The following PIGQ variants were observed in gnomAD, a reference collection of about 807,000 sequenced individuals.
The protein encoded by PIGQ is phosphatidylinositol glycan anchor biosynthesis class Q, also known as phosphatidylinositol N-acetylglucosaminyltransferase subunit Q.
PIGQ carries 54 observed loss-of-function variants against 60.3 expected under a neutral mutation model. That is an observed-to-expected ratio of 0.90 (90% CI 0.72 to 1.12). The LOEUF (loss-of-function observed/expected upper bound fraction) is 1.12. PIGQ is among the 50% of genes most tolerant of loss of function. The probability of loss-of-function intolerance (pLI) is 0.00; values close to 1 mark genes in which losing one functional copy is unlikely to be tolerated. For synonymous variants in PIGQ, 416 were observed against 363.7 expected (o/e 1.14, Z -1.64); for missense variants, 799 against 793.5 (o/e 1.01, Z -0.08).
intron 9 of PIGQ, 59 bp downstream of exon 9, chr16:581,031 G>T (rs1398488923): frequency 2.2e-6 from 3 of 1,352,550 alleles, no homozygotes; most frequent in Non-Finnish European, 2.1e-6. Context: ...CACACCTGTG[G>T]GCCCTGCAGA....
Position 576,477 on chromosome 16 carries a change from G to T in PIGQ, c.942+223G>T, listed in dbSNP as rs368753708. On this transcript the variant is annotated intron_variant, in intron 4 of 10. Transcript: ENST00000321878. Reference sequence around the variant, plus strand: ...TACACCCCCCTTTCCTTCTGAAGGGGCTGTGTGCAGGAGCCAGCCGGGCTG... The same window carrying T: ...TACACCCCCCTTTCCTTCTGAAGGGTCTGTGTGCAGGAGCCAGCCGGGCTG... 1.3e-4 allele frequency: 79 copies of T among 612,666 alleles called. 1 individual carries two copies. The East Asian group carries it at 2.0e-3, about 15-fold the overall frequency. 38.0% of individuals were successfully genotyped at this position (612,666 alleles called of 1,614,324 possible). A position where few individuals can be genotyped will look rare whatever the true frequency, so the allele number is the denominator to read the frequency against.
At position 574,282 on chromosome 16, in the gene PIGQ, C is replaced by T. The variant is rs774564687; in HGVS notation, c.208C>T (p.Arg70Trp). ...VAVLGTWCHC[R>W]QEPEESLGRF... is the part of the protein sequence containing the mutation. ...CGTGCTGGGCACCTGGTGCCACTGC[C>T]GGCAGGAGCCCGAGGAGAGCCTGGG... The change falls in exon 2 of 11, where the codon CGG becomes TGG. Residue 70 changes from arginine (R) to tryptophan (W), a missense_variant. Arg to Trp is a moderately radical substitution (Grantham distance 101). Coordinates refer to ENST00000321878, the MANE Select transcript of PIGQ (RefSeq NM_004204.5). 1.4e-5 allele frequency: 22 copies of T among 1,606,520 alleles called. 1 individual carries two copies. In the South Asian group the frequency reaches 1.5e-4, roughly 11 times the overall value.
Position 583,863 on chromosome 16 carries a change from G to A in PIGQ, c.*828G>A. ...CCAGGAGTGTGAGTGGCCTGGGGAG[G>A]GGGCCGTGGCACTGAGGCCGAAAGT... On this transcript the variant is annotated 3_prime_UTR_variant, in exon 11 of 11. Coordinates refer to ENST00000321878, the MANE Select transcript of PIGQ (RefSeq NM_004204.5). 1 of 608,230 alleles carries A rather than the reference G, an allele frequency of 1.6e-6. No homozygotes were observed. 37.7% of individuals were successfully genotyped at this position (608,230 alleles called of 1,614,324 possible).
Position 583,116 on chromosome 16 carries a change from C to T in PIGQ, c.*81C>T, listed in dbSNP as rs750660902. 6 of 1,613,046 alleles carry T rather than the reference C, an allele frequency of 3.7e-6. No individual in the cohort carries two copies. Among genetic ancestry groups the T allele is most frequent in the Middle Eastern group, 3.3e-4 (2 of 6,082 alleles). ...GCCAGGGTGGCACCAGCTCAGCTGG[C>T]GCATGTCCTGTGCTTTGTGGACGCT... On this transcript the variant is annotated 3_prime_UTR_variant, in exon 11 of 11. Transcript: ENST00000321878.
intron 8 of PIGQ, 111 bp downstream of exon 8, chr16:580,374 C>A: frequency 1.3e-6 from 1 of 783,728 alleles, no homozygotes; most frequent in Non-Finnish European, 2.1e-6. Context: ...CTGCAGGCCA[C>A]GTGGGTGGCC....
At chr16:575,640 G>A (rs1055113631) in intron 2 of PIGQ, among the ~76,000 whole-genome samples, 199 bp from the exon 3 acceptor site, 8 of 152,160 alleles carry the variant, frequency 5.3e-5, no homozygotes, top group Admixed American at 3.3e-4. Flanking sequence ...GCCAGGCTCC[G>A]TGTTAGTCAC....
At chr16:578,622 T>TGA in intron 5 of PIGQ, 117 bp downstream of exon 5, 1 of 1,413,882 alleles carries the variant, frequency 7.1e-7, no homozygotes, top group East Asian at 2.3e-5. Flanking sequence ...CCTGTGTGTG[T>TGA]GAGGCCTGCT....
intron 9 of PIGQ, chr16:581,204 G>C: frequency 7.0e-7 from 1 of 1,429,022 alleles, no homozygotes; most frequent in South Asian, 1.4e-5. Context: ...CGCAGGTTCA[G>C]AACCCTGGAG....
Position 583,738 on chromosome 16 carries a change from C to T in PIGQ, c.*703C>T, listed in dbSNP as rs557303492. The stretch of plus-strand genomic sequence containing the variant: ...TGACCCAGCCGTACCTATTCGTCCA[C>T]GGTGCCCCGTAGCAGCAGGTCCTGC... On this transcript the variant is annotated 3_prime_UTR_variant, in exon 11 of 11. Coordinates refer to ENST00000321878, the MANE Select transcript of PIGQ (RefSeq NM_004204.5). The T allele has an allele frequency of 1.8e-3, 2,388 of 1,346,906 alleles. 3 individuals are homozygous for T. The highest frequency in any genetic ancestry group is 2.0e-3 in the Non-Finnish European group (1,855 of 950,896). 83.4% of individuals were successfully genotyped at this position (1,346,906 alleles called of 1,614,324 possible).
At chr16:575,719 T>C in intron 2 of PIGQ, 120 bp from the exon 3 acceptor site, 2 of 1,110,182 alleles carry the variant, frequency 1.8e-6, no homozygotes, top group South Asian at 1.5e-5. Context: ...CCCTCCCACC[T>C]GCCCCCTGTC....
chr16:582,409 G>C lies in PIGQ; in HGVS notation c.1593+100G>C, dbSNP rs1216629455. On this transcript the variant is annotated intron_variant, in intron 10 of 10. Transcript: ENST00000321878. ...TGTCTGGGTGGCACCACGCCAGCCT[G>C]CGATGAGGTACAGGGAGGGCCCAGT... The C allele has an allele frequency of 2.2e-5, 19 of 862,990 alleles. No homozygotes were observed. In the East Asian group the frequency reaches 5.1e-4, roughly 23 times the overall value. 53.5% of individuals were successfully genotyped at this position (862,990 alleles called of 1,614,324 possible).
At position 583,223 on chromosome 16, in the gene PIGQ, G is replaced by A. The variant is rs1212230489; in HGVS notation, c.*188G>A. 1 of 1,612,894 alleles carries A rather than the reference G, an allele frequency of 6.2e-7. No individual in the cohort carries two copies. Among genetic ancestry groups the A allele is most frequent in the African/African-American group, 1.3e-5 (1 of 74,924 alleles). Reference sequence around the variant, plus strand: ...TTGGGAGTGAGCAGATGTGGGGGTGGCCAGCCAGGCTGGCCGCACTCCATC... The same window carrying A: ...TTGGGAGTGAGCAGATGTGGGGGTGACCAGCCAGGCTGGCCGCACTCCATC... On this transcript the variant is annotated 3_prime_UTR_variant, in exon 11 of 11. Transcript: ENST00000321878.
Position 583,228 on chromosome 16 carries a change from C to G in PIGQ, c.*193C>G, listed in dbSNP as rs952836079. Reference sequence around the variant, plus strand: ...AGTGAGCAGATGTGGGGGTGGCCAGCCAGGCTGGCCGCACTCCATCACTGG... The same window carrying G: ...AGTGAGCAGATGTGGGGGTGGCCAGGCAGGCTGGCCGCACTCCATCACTGG... On this transcript the variant is annotated 3_prime_UTR_variant, in exon 11 of 11. Transcript: ENST00000321878. 2.5e-6 allele frequency: 4 copies of G among 1,612,806 alleles called. No homozygotes were observed. In the African/African-American group the frequency reaches 5.3e-5, roughly 22 times the overall value.
In PIGQ at chr16:583,573, C is replaced by T; in HGVS notation, c.*538C>T. ...ACCCCCGTCCCCAGCGGGCCCGGGC[C>T]CTCACTCCCTGAACCACACGGGGTT... On this transcript the variant is annotated 3_prime_UTR_variant, in exon 11 of 11. Coordinates refer to ENST00000321878, the MANE Select transcript of PIGQ (RefSeq NM_004204.5). The T allele has an allele frequency of 6.2e-7, 1 of 1,612,606 alleles. No individual in the cohort carries two copies. Among genetic ancestry groups the T allele is most frequent in the South Asian group, 1.1e-5 (1 of 91,076 alleles).
At chr16:578,356 G>C in intron 4 of PIGQ, 23 bp from the exon 5 acceptor site, 1 of 1,600,050 alleles carries the variant, frequency 6.2e-7, no homozygotes. Flanking sequence ...CCCCGCCCCA[G>C]CGTGGCCCCT....
At position 580,185 on chromosome 16, in the gene PIGQ, G is replaced by A; in HGVS notation, c.1338G>A (p.Leu446=). The A allele has an allele frequency of 6.2e-7, 1 of 1,611,044 alleles. No homozygotes were observed. The highest frequency in any genetic ancestry group is 1.1e-5 in the South Asian group (1 of 90,800). The change falls in exon 8 of 11, where the codon CTG becomes CTA. Residue 446 remains leucine (L), a splice_region_variant and synonymous_variant. Coordinates refer to ENST00000321878, the MANE Select transcript of PIGQ (RefSeq NM_004204.5). Reference sequence around the variant, plus strand: ...GGTGTGCTGGCCCCTCCCTACAGCTGTTCATCGGGACTCTGCTCTTCACCA... The same window carrying A: ...GGTGTGCTGGCCCCTCCCTACAGCTATTCATCGGGACTCTGCTCTTCACCA... ...VDSCSYDLDQ[L]FIGTLLFTIL... is the part of the protein sequence containing the mutation.
chr16:575,324 G>A (rs2035699658), intron 2 of PIGQ, among the ~76,000 whole-genome samples: 2 of 152,200 alleles, frequency 1.3e-5, no homozygotes, highest in African/African-American at 4.8e-5. Context: ...GGGTAGCCCC[G>A]AGCTGTGGCT....
rs1295510601 is a variant in PIGQ, at chr16:583,837, C to T, written c.*802C>T. The T allele has an allele frequency of 3.0e-6, 2 of 667,332 alleles. No individual in the cohort carries two copies. Among genetic ancestry groups the T allele is most frequent in the Admixed American group, 4.6e-5 (2 of 43,554 alleles). 41.3% of individuals were successfully genotyped at this position (667,332 alleles called of 1,614,324 possible). On this transcript the variant is annotated 3_prime_UTR_variant, in exon 11 of 11. Coordinates refer to ENST00000321878, the MANE Select transcript of PIGQ (RefSeq NM_004204.5). ...TGCTGTGCAGACACCTCTGTGGCCC[C>T]CCAGGAGTGTGAGTGGCCTGGGGAG...
In PIGQ at chr16:574,475, G is replaced by T. The variant is rs765775002; in HGVS notation, c.401G>T (p.Arg134Leu). 3 of 1,610,050 alleles carry T rather than the reference G, an allele frequency of 1.9e-6. No homozygotes were observed. Among genetic ancestry groups the T allele is most frequent in the South Asian group, 1.1e-5 (1 of 90,478 alleles). The change falls in exon 2 of 11, where the codon CGC becomes CTC. Residue 134 changes from arginine to leucine, a missense_variant. Coordinates refer to ENST00000321878, the MANE Select transcript of PIGQ (RefSeq NM_004204.5). ...GTCATGCTCATCTTCTATGACCAGC[G>T]CCAGGTGTTGCTGTCACAGCTACAC... The part of the protein sequence containing the change: ...DQVMLIFYDQ[R>L]QVLLSQLHLP...
Sources: allele counts gnomAD v4.1 joint callset (sites outside exome capture counted in the v4.1 genomes callset), GRCh38; gene constraint gnomAD v4.1.1; transcripts MANE v1.5; gene names NCBI Gene and HGNC (gene_info 2026-07-23, HGNC 2026-07-21).